Variants in PHLPP1 observed in about 807,000 individuals in gnomAD.
PHLPP1 encodes PH domain and leucine rich repeat protein phosphatase 1.
PHLPP1 carries 42 observed loss-of-function variants against 117.2 expected under a neutral mutation model. The ratio of observed to expected loss-of-function variants is 0.36; its 90% confidence interval spans 0.28 to 0.46. The LOEUF (loss-of-function observed/expected upper bound fraction) is 0.46, where lower values mean the gene tolerates loss of function less well. Ranked by LOEUF, PHLPP1 falls within the 20% of genes least tolerant of loss-of-function variation. PHLPP1 has a pLI of 1.00. For missense variants in PHLPP1, 2,084 were observed against 2,241.9 expected (o/e 0.93, Z 1.42); for synonymous variants, 1,042 against 970.7 (o/e 1.07, Z -1.37).
Position 62,963,269 on chromosome 18 carries a change from A to T in PHLPP1, c.3456-99A>T, listed in dbSNP as rs1357701501. 3 of 729,014 alleles carry T rather than the reference A, an allele frequency of 4.1e-6. No individual in the cohort carries two copies. The African/African-American group carries it at 5.3e-5, about 13-fold the overall frequency. The allele number at this position is 729,014 out of a possible 1,614,324, so 45.2% of individuals were successfully genotyped here. A position where few individuals can be genotyped will look rare whatever the true frequency, so the allele number is the denominator to read the frequency against. ...ACGCAGTAAGAAATGGTAAGTACAG[A>T]GTGTTTAACAGGTGTATTTTTTATT... On this transcript the variant is annotated intron_variant, in intron 13 of 16. Transcript: ENST00000262719.
intron 1 of PHLPP1, among the ~76,000 whole-genome samples, chr18:62,740,052 T>A (rs147762122): frequency 1.4e-4 from 22 of 152,020 alleles, no homozygotes; most frequent in Non-Finnish European, 2.5e-4. Context: ...ATTGCCAAAC[T>A]TGGTTTTACA....
At chr18:62,862,450 G>A (rs1296689776) in intron 4 of PHLPP1, among the ~76,000 whole-genome samples, 3 of 152,130 alleles carry the variant, frequency 2.0e-5, no homozygotes, top group Admixed American at 6.6e-5. Context: ...CTGTGGAAAC[G>A]AGTTTTCCAA....
At chr18:62,736,504 G>T (rs1396230628) in intron 1 of PHLPP1, among the ~76,000 whole-genome samples, 5 of 152,152 alleles carry the variant, frequency 3.3e-5, no homozygotes, top group Non-Finnish European at 7.3e-5. Context: ...TTTACAGTTG[G>T]GTGATGGAAG....
chr18:62,780,689 A>G (rs1913094910), intron 1 of PHLPP1, among the ~76,000 whole-genome samples: 1 of 152,216 alleles, frequency 6.6e-6, no homozygotes, highest in Non-Finnish European at 1.5e-5. Context: ...TGGGTTTGTA[A>G]GAAGTCCTTA....
At chr18:62,905,398 TA>T (rs1916821755) in intron 8 of PHLPP1, 114 bp downstream of exon 8, 3 of 448,770 alleles carry the variant, frequency 6.7e-6, no homozygotes, top group Non-Finnish European at 1.2e-5. Flanking sequence ...GCTAAAAAAT[TA>T]ATGATTTTTA....
At chr18:62,828,646 T>G (rs1914674183) in intron 1 of PHLPP1, among the ~76,000 whole-genome samples, 2 of 152,246 alleles carry the variant, frequency 1.3e-5, no homozygotes, top group Non-Finnish European at 2.9e-5. Context: ...TCAGATACTC[T>G]TTGGAGTTTC....
chr18:62,941,443 C>T (rs1017263837), intron 10 of PHLPP1, among the ~76,000 whole-genome samples: 1 of 152,114 alleles, frequency 6.6e-6, no homozygotes, highest in Non-Finnish European at 1.5e-5. Context: ...CCACTCCCCG[C>T]CAACTATAAA....
At chr18:62,820,813 C>T (rs113670288) in intron 1 of PHLPP1, among the ~76,000 whole-genome samples, 1 of 152,138 alleles carries the variant, frequency 6.6e-6, no homozygotes, top group Admixed American at 6.5e-5. Flanking sequence ...GTATTTTACA[C>T]TATAAAACAA....
At chr18:62,952,764 C>T (rs781552436) in intron 12 of PHLPP1, among the ~76,000 whole-genome samples, 21 of 152,168 alleles carry the variant, frequency 1.4e-4, no homozygotes, top group Non-Finnish European at 2.4e-4. Flanking sequence ...GTAGCTGAGA[C>T]TCCAGGTGCT....
intron 4 of PHLPP1, among the ~76,000 whole-genome samples, chr18:62,864,766 A>AT (rs1200584206): frequency 8.5e-5 from 13 of 152,260 alleles, no homozygotes; most frequent in African/African-American, 2.6e-4. Flanking sequence ...ACTGATCAGG[A>AT]TTTTTACATT....
At chr18:62,914,204 T>C (rs527563282) in intron 8 of PHLPP1, among the ~76,000 whole-genome samples, 2 of 152,324 alleles carry the variant, frequency 1.3e-5, no homozygotes, top group East Asian at 3.9e-4. Flanking sequence ...GTTTTCATGA[T>C]GACAGCTGGA....
At chr18:62,831,101 A>G (rs2093967985) in intron 2 of PHLPP1, among the ~76,000 whole-genome samples, 2 of 152,140 alleles carry the variant, frequency 1.3e-5, no homozygotes, top group African/African-American at 4.8e-5. Context: ...TGCTTTGGGT[A>G]TGTTAACTAT....
At chr18:62,939,662 G>A (rs983233959) in intron 10 of PHLPP1, among the ~76,000 whole-genome samples, 13 of 149,084 alleles carry the variant, frequency 8.7e-5, no homozygotes, top group Admixed American at 2.0e-4. Flanking sequence ...TAATGTCAAC[G>A]GAATACGTGT....
chr18:62,833,637 T>G (rs1322724629), intron 2 of PHLPP1, among the ~76,000 whole-genome samples: 1 of 152,222 alleles, frequency 6.6e-6, no homozygotes, highest in African/African-American at 2.4e-5. Flanking sequence ...TGTATAAAAG[T>G]GATAAATTGC....
chr18:62,869,348 A>G (rs1283579727), intron 4 of PHLPP1, among the ~76,000 whole-genome samples: 1 of 152,114 alleles, frequency 6.6e-6, no homozygotes, highest in African/African-American at 2.4e-5. Context: ...AACCTTTTGA[A>G]AATTTGTAGA....
intron 1 of PHLPP1, among the ~76,000 whole-genome samples, chr18:62,793,213 T>C (rs1372521023): frequency 6.6e-6 from 1 of 152,102 alleles, no homozygotes. Context: ...ATAAAGCTTA[T>C]CGAGTGAATG....
rs1371789811 is a variant in PHLPP1, at chr18:62,978,519, C to T, written c.4242C>T (p.Ser1414=). 6.2e-7 allele frequency: 1 copy of T among 1,610,578 alleles called. No individual in the cohort carries two copies. Among genetic ancestry groups the T allele is most frequent in the Non-Finnish European group, 8.5e-7 (1 of 1,178,436 alleles). The change falls in exon 17 of 17, where the codon AGC becomes AGT. Residue 1414 remains serine, a synonymous_variant. Coordinates refer to ENST00000262719, the MANE Select transcript of PHLPP1 (RefSeq NM_194449.4). The surrounding 1 kb of genome is among the most constrained non-coding windows in gnomAD (Gnocchi z 7.0). ...CCCAGAGCTACGGCTGCCACGACAG[C>T]ATCAGCGCTGTGGTGGTGCAGCTCA... is the stretch of plus-strand genomic sequence containing the variant. ...TLAQSYGCHD[S]ISAVVVQLSV...
intron 1 of PHLPP1, among the ~76,000 whole-genome samples, chr18:62,739,806 C>T (rs182194015): frequency 2.2e-3 from 333 of 152,152 alleles, no homozygotes; most frequent in African/African-American, 7.8e-3. Context: ...TCTCAATTGG[C>T]CTCAGTTTTC....
intron 4 of PHLPP1, among the ~76,000 whole-genome samples, chr18:62,864,643 A>G (rs1170460546): frequency 1.3e-5 from 2 of 152,226 alleles, no homozygotes; most frequent in East Asian, 3.8e-4. Flanking sequence ...AAAATAAGTA[A>G]AATTATCCCA....
Sources: gnomAD v4.1 joint callset for allele counts (sites outside exome capture counted in the v4.1 genomes callset) on GRCh38, gnomAD v4.1.1 for gene constraint, Gnocchi (gnomAD v3.1) non-coding constraint, MANE v1.5 for transcripts, NCBI Gene and HGNC (gene_info 2026-07-23, HGNC 2026-07-21) for gene names.